CRCP: variants seen among roughly 807,000 people sequenced by gnomAD.
The protein encoded by CRCP is DNA-directed RNA polymerase III subunit RPC9.
In CRCP, 18 loss-of-function variants were observed where a neutral mutation model predicts 18.5. That is an observed-to-expected ratio of 0.97 (90% CI 0.67 to 1.44). The LOEUF (loss-of-function observed/expected upper bound fraction) is 1.44, where lower values mean the gene tolerates loss of function less well. Ranked by LOEUF, CRCP falls within the 40% of genes most tolerant of loss-of-function variation. The pLI is 0.00. For missense variants in CRCP, 130 were observed against 176.4 expected (o/e 0.74, Z 1.49); for synonymous variants, 53 against 62.9 (o/e 0.84, Z 0.75).
chr7:66,145,826 A>T (rs1449268486), intron 5 of CRCP, among the ~76,000 whole-genome samples: 2 of 152,198 alleles, frequency 1.3e-5, no homozygotes, highest in Non-Finnish European at 2.9e-5. Context: ...GAAATTCAGC[A>T]TGTCTCTGGT....
intron 1 of CRCP, among the ~76,000 whole-genome samples, chr7:66,122,070 T>G (rs34516092): frequency 1.3e-5 from 2 of 152,196 alleles, no homozygotes; most frequent in Non-Finnish European, 2.9e-5. Flanking sequence ...GAGTTGACTG[T>G]GTGGCAATTA....
At chr7:66,122,709 G>A (rs557036667) in intron 1 of CRCP, among the ~76,000 whole-genome samples, 1 of 152,034 alleles carries the variant, frequency 6.6e-6, no homozygotes, top group African/African-American at 2.4e-5. Context: ...CAGACACTGG[G>A]TGGCTTAGAC....
intron 2 of CRCP, among the ~76,000 whole-genome samples, chr7:66,128,350 A>C (rs1239953385): frequency 6.6e-6 from 1 of 152,186 alleles, no homozygotes; most frequent in Non-Finnish European, 1.5e-5. Context: ...ATAGGATAGA[A>C]GCATCTATTT....
Position 66,152,519 on chromosome 7 carries a change from T to C in CRCP, c.*162T>C. 1.3e-6 allele frequency: 1 copy of C among 745,070 alleles called. No individual in the cohort carries two copies. The highest frequency in any genetic ancestry group is 2.1e-6 in the Non-Finnish European group (1 of 473,588). The allele number at this position is 745,070 out of a possible 1,614,324, so 46.2% of individuals were successfully genotyped here. A position where few individuals can be genotyped will look rare whatever the true frequency, so the allele number is the denominator to read the frequency against. On this transcript the variant is annotated 3_prime_UTR_variant, in exon 6 of 6. Transcript: ENST00000395326. ...AAAATAAGTTAAAAAGAAATATTTG[T>C]GCCTTGGGGAGAAGAAACATGGTGA...
chr7:66,115,905 T>A (rs1321858249), intron 1 of CRCP, among the ~76,000 whole-genome samples: 1 of 152,164 alleles, frequency 6.6e-6, no homozygotes, highest in Admixed American at 6.5e-5. Flanking sequence ...ACTCAAGCAA[T>A]CCTGCTTCAG....
At chr7:66,146,601 T>G (rs1044754304) in intron 5 of CRCP, among the ~76,000 whole-genome samples, 1 of 152,176 alleles carries the variant, frequency 6.6e-6, no homozygotes, top group Non-Finnish European at 1.5e-5. Context: ...GAGTTGCTAA[T>G]GGAAAAACTT....
intron 3 of CRCP, 26 bp downstream of exon 3, chr7:66,130,868 A>C: frequency 8.5e-7 from 1 of 1,179,400 alleles, no homozygotes; most frequent in Non-Finnish European, 1.3e-6. Flanking sequence ...TGCCAGGCCT[A>C]CCTAAAGTAC....
rs187422137 is a variant in CRCP at position 66,121,193 on chromosome 7, G to C, written c.8+6223G>C. ...GAGTTCAAGCAGTCCTCCTGCCTGA[G>C]CCTACTGGGTAGCTGCCTGGCTAAT... is the stretch of plus-strand genomic sequence containing the variant. On this transcript the variant is annotated intron_variant, in intron 1 of 5. Transcript: ENST00000395326. Among the ~76,000 whole-genome samples, 323 of 151,856 alleles carry C rather than the reference G, an allele frequency of 2.1e-3. 2 individuals are homozygous for C. The highest frequency in any genetic ancestry group is 7.6e-3 in the African/African-American group (317 of 41,438).
chr7:66,146,229 C>T (rs1788290176), intron 5 of CRCP, among the ~76,000 whole-genome samples: 1 of 152,152 alleles, frequency 6.6e-6, no homozygotes, highest in Non-Finnish European at 1.5e-5. Context: ...AGTACAGCCT[C>T]ATCACTTGTG....
rs758222904 is a variant in CRCP at position 66,152,267 on chromosome 7, C to T, written c.357C>T (p.Thr119=). 1.9e-5 allele frequency: 30 copies of T among 1,613,886 alleles called. No individual in the cohort carries two copies. The highest frequency in any genetic ancestry group is 5.3e-5 in the African/African-American group (4 of 74,870). ...AGCAGATTGAAGCTCTTCTCCACACCGTCACCAGCATTCTGCCTGCAGAGC... is the reference window on the plus strand; with the variant it reads ...AGCAGATTGAAGCTCTTCTCCACACTGTCACCAGCATTCTGCCTGCAGAGC... ...TEEQIEALLH[T]VTSILPAEPE... The change falls in exon 6 of 6, where the codon ACC becomes ACT. Residue 119 remains threonine, a synonymous_variant. Transcript: ENST00000395326.
intron 3 of CRCP, among the ~76,000 whole-genome samples, chr7:66,133,248 A>G (rs113814877): frequency 0.014 from 2,185 of 152,114 alleles, 26 homozygotes; most frequent in Middle Eastern, 0.024. Flanking sequence ...TCTCATGCCT[A>G]TAATCCCAGC....
At chr7:66,137,153 T>C (rs901874791) in intron 4 of CRCP, among the ~76,000 whole-genome samples, 2 of 152,126 alleles carry the variant, frequency 1.3e-5, no homozygotes, top group African/African-American at 2.4e-5. Context: ...ATACTGAACC[T>C]TCTAGTCCAT....
At chr7:66,151,266 A>T (rs1238927039) in intron 5 of CRCP, among the ~76,000 whole-genome samples, 1 of 152,188 alleles carries the variant, frequency 6.6e-6, no homozygotes, top group African/African-American at 2.4e-5. Flanking sequence ...TTGCTGATAC[A>T]GTTCATTAAA....
At chr7:66,149,604 A>T (rs1355190448) in intron 5 of CRCP, among the ~76,000 whole-genome samples, 2 of 152,320 alleles carry the variant, frequency 1.3e-5, no homozygotes, top group African/African-American at 4.8e-5. Flanking sequence ...TAACGGCCGG[A>T]GCTTTTATCA....
At chr7:66,130,889 G>T (rs751749955) in intron 3 of CRCP, 47 bp downstream of exon 3, 2 of 1,029,124 alleles carry the variant, frequency 1.9e-6, no homozygotes, top group East Asian at 2.4e-5. Flanking sequence ...CATTGAGGGA[G>T]GGGGGTTTAT....
intron 5 of CRCP, among the ~76,000 whole-genome samples, chr7:66,150,459 A>AG (rs1788425365): frequency 6.6e-6 from 1 of 151,716 alleles, no homozygotes; most frequent in African/African-American, 2.4e-5. Flanking sequence ...CATCATAGGG[A>AG]GTAGCCCCCA....
intron 5 of CRCP, among the ~76,000 whole-genome samples, chr7:66,150,023 G>A (rs1033099093): frequency 2.0e-5 from 3 of 151,906 alleles, no homozygotes; most frequent in African/African-American, 7.2e-5. Context: ...AGCCAGGATG[G>A]TCTCGATCTC....
intron 4 of CRCP, among the ~76,000 whole-genome samples, chr7:66,136,450 G>C (rs1470876409): frequency 6.6e-6 from 1 of 152,040 alleles, no homozygotes; most frequent in South Asian, 2.1e-4. Context: ...GGCTGGTCTC[G>C]AACTCCCAAC....
intron 4 of CRCP, among the ~76,000 whole-genome samples, chr7:66,135,938 C>A (rs962075589): frequency 3.3e-5 from 5 of 151,526 alleles, no homozygotes; most frequent in African/African-American, 9.7e-5. Context: ...AAAAAAAAAT[C>A]TTTTCTTGGA....
Sources: gnomAD v4.1 joint callset for allele counts (sites outside exome capture counted in the v4.1 genomes callset) on GRCh38, gnomAD v4.1.1 for gene constraint, MANE v1.5 for transcripts, NCBI Gene and HGNC (gene_info 2026-07-23, HGNC 2026-07-21) for gene names.